The following SV2C variants were observed in gnomAD, a reference collection of about 807,000 sequenced individuals.
The protein encoded by SV2C is synaptic vesicle glycoprotein 2C.
A neutral mutation model predicts 79.7 loss-of-function variants in SV2C; 49 were observed. The observed-to-expected ratio is 0.61, with a 90% CI of 0.49 to 0.78. The LOEUF is 0.78. Ranked by LOEUF, SV2C falls within the 30% of genes least tolerant of loss-of-function variation. The pLI is 0.00. For missense variants in SV2C, 833 were observed against 912.9 expected (o/e 0.91, Z 1.13); for synonymous variants, 334 against 333.2 (o/e 1.00, Z -0.03).
At chr5:75,958,292 G>A in the SV2C span, among the ~76,000 whole-genome samples, 2 of 151,938 alleles carry the variant, frequency 1.3e-5, no homozygotes, top group East Asian at 1.9e-4. Flanking sequence ...ACTGGGCCAT[G>A]GGGTGCCCAG....
At chr5:76,234,288 G>A (rs1745540187) in intron 4 of SV2C, among the ~76,000 whole-genome samples, 1 of 152,120 alleles carries the variant, frequency 6.6e-6, no homozygotes, top group Non-Finnish European at 1.5e-5. Flanking sequence ...TTCACACTGA[G>A]CAATAGGGTC....
At chr5:75,967,394 C>T in the SV2C span, among the ~76,000 whole-genome samples, 4 of 152,272 alleles carry the variant, frequency 2.6e-5, no homozygotes, top group African/African-American at 9.6e-5. Flanking sequence ...CCGGGAAGCG[C>T]AAGGGGTCAA....
intron 3 of SV2C, among the ~76,000 whole-genome samples, chr5:76,198,594 C>G (rs975147164): frequency 6.6e-6 from 1 of 152,178 alleles, no homozygotes; most frequent in African/African-American, 2.4e-5. Context: ...CACCAGCTGT[C>G]TAGGTATCCC....
chr5:76,204,290 T>C (rs952629470), intron 3 of SV2C, among the ~76,000 whole-genome samples: 2 of 152,244 alleles, frequency 1.3e-5, no homozygotes, highest in Non-Finnish European at 2.9e-5. Context: ...ATATTTTTCA[T>C]GCAAGTTATT....
intron 8 of SV2C, among the ~76,000 whole-genome samples, chr5:76,292,872 GT>G (rs1195691322): frequency 6.6e-6 from 1 of 152,168 alleles, no homozygotes; most frequent in Admixed American, 6.5e-5. Context: ...CTAATTTGCT[GT>G]TTAGAAAAGA....
chr5:75,861,237 C>T, the SV2C span, among the ~76,000 whole-genome samples: 3 of 151,990 alleles, frequency 2.0e-5, no homozygotes, highest in Non-Finnish European at 4.4e-5. Context: ...AAATGATCAA[C>T]ATCATCAGAG....
chr5:75,881,750 C>A, the SV2C span, among the ~76,000 whole-genome samples: 8 of 151,848 alleles, frequency 5.3e-5, no homozygotes, highest in Non-Finnish European at 5.9e-5. Context: ...CAAACACGGA[C>A]AATTTGACTT....
chr5:76,116,077 T>C (rs1190933871), intron 1 of SV2C, among the ~76,000 whole-genome samples: 3 of 152,226 alleles, frequency 2.0e-5, no homozygotes, highest in Non-Finnish European at 4.4e-5. Flanking sequence ...CTGCACCCTA[T>C]AACCCTGCAC....
At chr5:76,158,043 TA>T (rs901502300) in intron 2 of SV2C, among the ~76,000 whole-genome samples, 183 of 147,716 alleles carry the variant, frequency 1.2e-3, no homozygotes, top group African/African-American at 3.7e-3. Context: ...TTTAAAGTAG[TA>T]AAAAAAAAAT....
the SV2C span, among the ~76,000 whole-genome samples, chr5:76,006,056 T>C: frequency 6.6e-6 from 1 of 152,226 alleles, no homozygotes; most frequent in African/African-American, 2.4e-5. Flanking sequence ...GGAAGCAGTT[T>C]CCTCAGGGAA....
chr5:76,313,046 G>A (rs1748507873), intron 12 of SV2C, among the ~76,000 whole-genome samples: 1 of 152,152 alleles, frequency 6.6e-6, no homozygotes, highest in South Asian at 2.1e-4. Context: ...CGACCTCAGG[G>A]ACACCACTCA....
intron 4 of SV2C, among the ~76,000 whole-genome samples, chr5:76,268,121 G>T (rs536261124): frequency 2.6e-5 from 4 of 152,324 alleles, no homozygotes; most frequent in South Asian, 4.1e-4. Flanking sequence ...TGAGTGTGGA[G>T]AAGCAGGCTG....
intron 1 of SV2C, among the ~76,000 whole-genome samples, chr5:76,107,175 C>T (rs1334613891): frequency 6.6e-6 from 1 of 152,064 alleles, no homozygotes; most frequent in Non-Finnish European, 1.5e-5. Context: ...AATCAGTAAG[C>T]AATCCAAAAA....
chr5:75,910,582 G>A, the SV2C span: 7 of 705,808 alleles, frequency 9.9e-6, no homozygotes, highest in African/African-American at 7.0e-5. Flanking sequence ...GTGAGATTGA[G>A]GAGAGAATTG....
chr5:75,987,435 A>G, the SV2C span, among the ~76,000 whole-genome samples: 6 of 151,972 alleles, frequency 3.9e-5, no homozygotes, highest in Non-Finnish European at 7.4e-5. Context: ...TCTTGCAACT[A>G]TGAGGCCAAA....
intron 4 of SV2C, among the ~76,000 whole-genome samples, chr5:76,234,827 T>C (rs1490727867): frequency 1.3e-5 from 2 of 152,178 alleles, no homozygotes; most frequent in East Asian, 3.8e-4. Context: ...TTACTTGATT[T>C]ATAATGAAAG....
chr5:76,036,739 C>T, the SV2C span, among the ~76,000 whole-genome samples: 61 of 152,196 alleles, frequency 4.0e-4, no homozygotes, highest in East Asian at 0.011. Context: ...TTGCTCTTCT[C>T]GAGGAGTATC....
intron 6 of SV2C, among the ~76,000 whole-genome samples, chr5:76,290,281 C>A (rs992127348): frequency 6.6e-6 from 1 of 152,062 alleles, no homozygotes; most frequent in African/African-American, 2.4e-5. Flanking sequence ...GCTGAGGGTC[C>A]CCAAGCCACC....
At chr5:75,944,384 C>T in the SV2C span, among the ~76,000 whole-genome samples, 1 of 152,040 alleles carries the variant, frequency 6.6e-6, no homozygotes, top group Non-Finnish European at 1.5e-5. Flanking sequence ...TGCATGTTAG[C>T]AAGCTAATTA....
Sources: gnomAD v4.1 joint callset for allele counts (sites outside exome capture counted in the v4.1 genomes callset) on GRCh38, gnomAD v4.1.1 for gene constraint, MANE v1.5 for transcripts, NCBI Gene and HGNC (gene_info 2026-07-23, HGNC 2026-07-21) for gene names.